CMSS1: variants seen among roughly 807,000 people sequenced by gnomAD.
CMSS1 encodes protein CMSS1.
CMSS1 carries 33 observed loss-of-function variants against 43.5 expected under a neutral mutation model. The ratio of observed to expected loss-of-function variants is 0.76; its 90% confidence interval spans 0.57 to 1.01. CMSS1 has a LOEUF of 1.01. CMSS1 is among the 50% of genes least tolerant of loss of function. CMSS1 has a pLI of 0.00. For synonymous variants in CMSS1, 115 were observed against 117.2 expected, an observed-to-expected ratio of 0.98 and a Z score of 0.12; for missense variants, 313 against 326.4, an observed-to-expected ratio of 0.96 and a Z score of 0.32.
chr3:99,936,945 T>C (rs1707696152), intron 1 of CMSS1, among the ~76,000 whole-genome samples: 1 of 152,204 alleles, frequency 6.6e-6, no homozygotes, highest in Non-Finnish European at 1.5e-5. Flanking sequence ...TTTCTTTCTT[T>C]TCTTTTTTTG....
intron 1 of CMSS1, among the ~76,000 whole-genome samples, chr3:100,015,033 A>G: frequency 6.7e-6 from 1 of 149,640 alleles, no homozygotes; most frequent in East Asian, 2.0e-4. Context: ...CAGGTTTTAC[A>G]TTTAAGGCTT....
intron 9 of CMSS1, 64 bp downstream of exon 9, chr3:100,176,479 G>T (rs2067149318): frequency 1.9e-6 from 2 of 1,057,368 alleles, no homozygotes; most frequent in Admixed American, 2.0e-5. Flanking sequence ...TTCAAACACA[G>T]TAATAAAGTC....
At chr3:99,988,511 C>CAAAAAA (rs757175318) in intron 1 of CMSS1, among the ~76,000 whole-genome samples, 9 of 47,568 alleles carry the variant, frequency 1.9e-4, no homozygotes, top group Admixed American at 3.0e-4. Context: ...GACTCCATCT[C>CAAAAAA]AAAAAAAAAA....
At chr3:100,042,569 A>T (rs2065222668) in intron 1 of CMSS1, among the ~76,000 whole-genome samples, 1 of 152,220 alleles carries the variant, frequency 6.6e-6, no homozygotes, top group Admixed American at 6.5e-5. Context: ...GAAATTGGTA[A>T]TCCATGTATG....
intron 1 of CMSS1, among the ~76,000 whole-genome samples, chr3:99,916,437 TACAC>T (rs10529210): frequency 0.091 from 12,521 of 136,990 alleles, 600 homozygotes; most frequent in Middle Eastern, 0.14. Context: ...TAACGGTTTA[TACAC>T]ACACACACAC....
chr3:99,827,883 C>T (rs983619900), intron 1 of CMSS1, among the ~76,000 whole-genome samples: 6 of 152,148 alleles, frequency 3.9e-5, no homozygotes, highest in African/African-American at 9.7e-5. Flanking sequence ...GGATTACAGG[C>T]GTGAGCCACC....
At chr3:100,098,624 A>G (rs2066253695) in intron 1 of CMSS1, among the ~76,000 whole-genome samples, 1 of 152,204 alleles carries the variant, frequency 6.6e-6, no homozygotes, top group African/African-American at 2.4e-5. Context: ...TTTTGTGCAT[A>G]TATTTCTTCC....
intron 1 of CMSS1, among the ~76,000 whole-genome samples, chr3:99,831,840 A>G (rs138001112): frequency 1.0e-3 from 158 of 152,344 alleles, no homozygotes; most frequent in African/African-American, 3.7e-3. Flanking sequence ...TGGTTGGCCT[A>G]CCACACTTGG....
Position 99,835,310 on chromosome 3 carries a change from T to C in CMSS1, c.64+17267T>C, listed in dbSNP as rs536370257. The stretch of plus-strand genomic sequence containing the variant: ...CTTGTGAATCTTTCTTTTTTAGAGT[T>C]CACCCAGAGACATTATCTGTTCTTT... On this transcript the variant is annotated intron_variant, in intron 1 of 9. Transcript: ENST00000421999. Among the ~76,000 whole-genome samples, 3 of 152,350 alleles carry C rather than the reference T, an allele frequency of 2.0e-5. No homozygotes were observed. The East Asian group carries it at 5.8e-4, about 29-fold the overall frequency.
At chr3:100,057,919 A>G (rs571008749) in intron 1 of CMSS1, among the ~76,000 whole-genome samples, 1 of 152,238 alleles carries the variant, frequency 6.6e-6, no homozygotes, top group African/African-American at 2.4e-5. Context: ...CTTTTACCCA[A>G]CTAACTGACT....
At chr3:100,120,308 G>T (rs150804589) in intron 1 of CMSS1, among the ~76,000 whole-genome samples, 1,598 of 152,224 alleles carry the variant, frequency 0.01, 15 homozygotes, top group Non-Finnish European at 0.015. Flanking sequence ...TTTCTTCCTT[G>T]TGTGCCCATA....
At chr3:100,152,431 ATCTCT>A (rs1231775169) in intron 2 of CMSS1, among the ~76,000 whole-genome samples, 1 of 151,936 alleles carries the variant, frequency 6.6e-6, no homozygotes, top group African/African-American at 2.4e-5. Flanking sequence ...CACACCCCTA[ATCTCT>A]TCTCTACCTT....
rs148962883 is a variant in CMSS1, at chr3:100,129,728, C to G, written c.65-17245C>G. 3.8e-4 allele frequency among the ~76,000 whole-genome samples: 58 copies of G among 152,290 alleles called. 1 individual carries two copies. The South Asian group carries it at 3.9e-3, about 10-fold the overall frequency. On this transcript the variant is annotated intron_variant, in intron 1 of 9. Transcript: ENST00000421999. The stretch of plus-strand genomic sequence containing the variant: ...CTATAAAGATCCTTTACACTGTATT[C>G]AGAGAAACTCAATACTCACACTGTT...
At chr3:99,881,588 A>C (rs1342253950) in intron 1 of CMSS1, among the ~76,000 whole-genome samples, 1 of 150,748 alleles carries the variant, frequency 6.6e-6, no homozygotes, top group Non-Finnish European at 1.5e-5. Flanking sequence ...ATTGGAGTGC[A>C]GTAGTGCAAG....
intron 1 of CMSS1, among the ~76,000 whole-genome samples, chr3:100,006,027 G>A (rs1279429945): frequency 2.0e-5 from 3 of 152,136 alleles, no homozygotes; most frequent in Non-Finnish European, 4.4e-5. Context: ...GATAGGAAGT[G>A]GGATAGAAGT....
intron 1 of CMSS1, among the ~76,000 whole-genome samples, chr3:99,865,815 TTA>T (rs1319435292): frequency 2.0e-5 from 3 of 151,948 alleles, no homozygotes; most frequent in African/African-American, 7.2e-5. Context: ...TTAAGAATAT[TTA>T]TATGTTTTTT....
At chr3:100,014,043 G>T (rs1019070817) in intron 1 of CMSS1, among the ~76,000 whole-genome samples, 1 of 151,920 alleles carries the variant, frequency 6.6e-6, no homozygotes, top group Non-Finnish European at 1.5e-5. Flanking sequence ...GATTTTTTAA[G>T]ATTCCGCATG....
chr3:100,096,234 A>G (rs2066205149), intron 1 of CMSS1, among the ~76,000 whole-genome samples: 1 of 152,142 alleles, frequency 6.6e-6, no homozygotes, highest in African/African-American at 2.4e-5. Flanking sequence ...TAGAGCTACC[A>G]TATGATCCAG....
intron 1 of CMSS1, among the ~76,000 whole-genome samples, chr3:100,126,676 A>G (rs1055441714): frequency 6.6e-6 from 1 of 152,158 alleles, no homozygotes; most frequent in Non-Finnish European, 1.5e-5. Context: ...TCTATAGTTA[A>G]CTAAGAGCTA....
Sources: gnomAD v4.1 joint callset for allele counts (sites outside exome capture counted in the v4.1 genomes callset) on GRCh38, gnomAD v4.1.1 for gene constraint, MANE v1.5 for transcripts, NCBI Gene and HGNC (gene_info 2026-07-23, HGNC 2026-07-21) for gene names.